NRXN3: variants seen among roughly 807,000 people sequenced by gnomAD.
The protein encoded by NRXN3 is neurexin 3.
NRXN3 carries 32 observed loss-of-function variants against 137.6 expected under a neutral mutation model. The observed-to-expected ratio is 0.23, with a 90% CI of 0.18 to 0.31. The LOEUF is 0.31. Ranked by LOEUF, NRXN3 falls within the 10% of genes least tolerant of loss-of-function variation. The pLI is 1.00. For missense variants in NRXN3, 1,574 were observed against 2,062.5 expected (o/e 0.76, Z 4.59); for synonymous variants, 798 against 784.5 (o/e 1.02, Z -0.29).
intron 19 of NRXN3, among the ~76,000 whole-genome samples, chr14:79,740,126 A>G (rs1433090725): frequency 6.6e-6 from 1 of 152,016 alleles, no homozygotes; most frequent in Non-Finnish European, 1.5e-5. Context: ...CTGAGCTGAA[A>G]CCTTGGAATC....
chr14:79,411,347 TG>T (rs1216823469), intron 15 of NRXN3, among the ~76,000 whole-genome samples: 5 of 152,176 alleles, frequency 3.3e-5, no homozygotes, highest in Non-Finnish European at 7.4e-5. Flanking sequence ...AATCATGTGC[TG>T]TCTAAGTCCT....
At chr14:79,353,008 A>T (rs1215143996) in intron 15 of NRXN3, among the ~76,000 whole-genome samples, 1 of 152,122 alleles carries the variant, frequency 6.6e-6, no homozygotes, top group Admixed American at 6.6e-5. Context: ...CCTTAAAAGG[A>T]TTGTTGTAAA....
intron 8 of NRXN3, among the ~76,000 whole-genome samples, chr14:78,735,860 A>G (rs139117281): frequency 6.6e-5 from 10 of 152,312 alleles, no homozygotes; most frequent in African/African-American, 1.2e-4. Context: ...GTTATTTTAC[A>G]TATGAGGAAA....
chr14:78,559,620 A>G (rs906456954), intron 4 of NRXN3, among the ~76,000 whole-genome samples: 1 of 152,242 alleles, frequency 6.6e-6, no homozygotes, highest in Non-Finnish European at 1.5e-5. Flanking sequence ...AGCCATGCAC[A>G]AGAAAAATTT....
intron 15 of NRXN3, among the ~76,000 whole-genome samples, chr14:79,021,046 A>G (rs907113342): frequency 2.0e-5 from 3 of 152,188 alleles, no homozygotes; most frequent in Non-Finnish European, 4.4e-5. Flanking sequence ...AGGTAATACC[A>G]CAGTGGCAGT....
chr14:79,728,782 C>T (rs778997428), intron 19 of NRXN3, among the ~76,000 whole-genome samples: 13 of 152,038 alleles, frequency 8.6e-5, no homozygotes, highest in South Asian at 2.1e-4. Context: ...TAATCTCGTA[C>T]GGGGGAAGTA....
chr14:78,246,740 G>A (rs2067738953), intron 2 of NRXN3, among the ~76,000 whole-genome samples: 1 of 152,076 alleles, frequency 6.6e-6, no homozygotes, highest in Non-Finnish European at 1.5e-5. Flanking sequence ...AAATGTGAAG[G>A]GAAAGGAAAT....
At chr14:79,443,598 T>C (rs2153574301) in intron 15 of NRXN3, among the ~76,000 whole-genome samples, 1 of 152,332 alleles carries the variant, frequency 6.6e-6, no homozygotes, top group African/African-American at 2.4e-5. Context: ...AATTCTGGTC[T>C]GGTCTAGAGG....
At chr14:79,495,260 C>T (rs1186059391) in intron 16 of NRXN3, among the ~76,000 whole-genome samples, 2 of 152,214 alleles carry the variant, frequency 1.3e-5, no homozygotes, top group African/African-American at 4.8e-5. Flanking sequence ...AGAAGCACCA[C>T]TTCCACTTCA....
chr14:78,217,186 A>G (rs1410577647), intron 1 of NRXN3, among the ~76,000 whole-genome samples: 2 of 152,178 alleles, frequency 1.3e-5, no homozygotes, highest in Non-Finnish European at 2.9e-5. Flanking sequence ...GGTAGTTTTT[A>G]TTTTATAAAT....
intron 16 of NRXN3, among the ~76,000 whole-genome samples, chr14:79,623,319 G>A (rs894212871): frequency 2.6e-5 from 4 of 152,120 alleles, no homozygotes; most frequent in African/African-American, 7.2e-5. Flanking sequence ...CACATTTTGG[G>A]GTGGAAATGC....
chr14:79,735,445 C>A (rs1410132553), intron 19 of NRXN3, among the ~76,000 whole-genome samples: 1 of 152,128 alleles, frequency 6.6e-6, no homozygotes, highest in African/African-American at 2.4e-5. Context: ...AAGCTGCAAA[C>A]TTCCCGGGGT....
At chr14:79,052,200 G>A (rs539654259) in intron 15 of NRXN3, among the ~76,000 whole-genome samples, 2 of 152,250 alleles carry the variant, frequency 1.3e-5, no homozygotes, top group East Asian at 3.9e-4. Context: ...GTTTCGAAGA[G>A]CTTGGATTCT....
chr14:79,142,727 G>C (rs867740585), intron 15 of NRXN3, among the ~76,000 whole-genome samples: 2 of 152,172 alleles, frequency 1.3e-5, no homozygotes, highest in African/African-American at 4.8e-5. Flanking sequence ...GGCTAGGGTT[G>C]AGACTGCAGC....
intron 15 of NRXN3, among the ~76,000 whole-genome samples, chr14:79,376,136 T>A: frequency 6.8e-6 from 1 of 146,376 alleles, no homozygotes; most frequent in African/African-American, 2.5e-5. Flanking sequence ...ATGTATTATA[T>A]ATGGTATATG....
At chr14:79,360,389 G>A (rs571603286) in intron 15 of NRXN3, among the ~76,000 whole-genome samples, 17 of 152,326 alleles carry the variant, frequency 1.1e-4, no homozygotes, top group African/African-American at 2.6e-4. Context: ...ACAGGCGTGA[G>A]CCACTGTGCC....
intron 10 of NRXN3, among the ~76,000 whole-genome samples, chr14:78,881,570 T>C (rs552566999): frequency 2.6e-5 from 4 of 151,640 alleles, no homozygotes; most frequent in Non-Finnish European, 5.9e-5. Flanking sequence ...CTGTGGAACT[T>C]TGAACTTGAG....
At chr14:79,095,558 AT>A (rs11334402) in intron 15 of NRXN3, among the ~76,000 whole-genome samples, 138,820 of 150,260 alleles carry the variant, frequency 0.92, 64,638 homozygotes, top group Non-Finnish European at 0.99. Flanking sequence ...AGCACCTACT[AT>A]TTTTTTTTTT....
At chr14:78,809,673 A>C (rs1315832235) in intron 9 of NRXN3, among the ~76,000 whole-genome samples, 4 of 152,182 alleles carry the variant, frequency 2.6e-5, no homozygotes, top group Non-Finnish European at 5.9e-5. Flanking sequence ...GGAAGATGGC[A>C]AGTGTGCCTA....
Sources: gnomAD v4.1 joint callset for allele counts (sites outside exome capture counted in the v4.1 genomes callset) on GRCh38, gnomAD v4.1.1 for gene constraint, MANE v1.5 for transcripts, NCBI Gene and HGNC (gene_info 2026-07-23, HGNC 2026-07-21) for gene names.